AMN1: variants seen among roughly 807,000 people sequenced by gnomAD.
The protein encoded by AMN1 is protein AMN1 homolog.
A neutral mutation model predicts 33.0 loss-of-function variants in AMN1; 20 were observed. That is an observed-to-expected ratio of 0.61 (90% CI 0.43 to 0.88). The LOEUF is 0.88. Among genes scored for constraint, AMN1 ranks in the 40% least tolerant of loss-of-function variants. The probability of loss-of-function intolerance (pLI) is 0.00; values close to 1 mark genes in which losing one functional copy is unlikely to be tolerated. For synonymous variants in AMN1, 114 were observed against 111.9 expected (o/e 1.02, Z -0.12); for missense variants, 246 against 307.4 (o/e 0.80, Z 1.49).
At chr12:31,719,178 A>C (rs542734521) in intron 1 of AMN1, 38 of 193,422 alleles carry the variant, frequency 2.0e-4, no homozygotes, top group African/African-American at 7.8e-4. Flanking sequence ...CGTGGGCTGC[A>C]GTCACTGTTC....
In AMN1 at chr12:31,686,610, T is replaced by C. The variant is rs562190356; in HGVS notation, c.703+2397A>G. On this transcript the variant is annotated intron_variant, in intron 6 of 6. Transcript: ENST00000281471. Reference sequence around the variant, plus strand: ...ACAACATAGCTTAGCCTAGCCTACATGCTCAGAACACTTAAATTAGCCTAC... The same window carrying C: ...ACAACATAGCTTAGCCTAGCCTACACGCTCAGAACACTTAAATTAGCCTAC... Among the ~76,000 whole-genome samples the C allele has an allele frequency of 5.9e-5, 9 of 152,346 alleles. No individual in the cohort carries two copies. The South Asian group carries it at 1.7e-3, about 28-fold the overall frequency.
rs143297629 is a variant in AMN1 at position 31,698,207 on chromosome 12, GA to G, written c.317-251del. 8.4e-3 allele frequency among the ~76,000 whole-genome samples: 1,272 copies of G among 152,294 alleles called. 18 individuals are homozygous for G. The highest frequency in any genetic ancestry group is 0.029 in the African/African-American group (1,200 of 41,558). ...GGCAAGGCTTTATTGTCCACAGGTT[GA>G]ATTCCTTTTAGGAAATAGGCAAAAG... On this transcript the variant is annotated intron_variant, in intron 3 of 6. Transcript: ENST00000281471.
chr12:31,715,191 AAAC>A (rs1327241034), intron 1 of AMN1, among the ~76,000 whole-genome samples: 1 of 152,220 alleles, frequency 6.6e-6, no homozygotes, highest in East Asian at 1.9e-4. Context: ...TTAGCTCCTA[AAAC>A]AACATTGTAC....
At chr12:31,728,329 T>C (rs1322617038) in intron 1 of AMN1, among the ~76,000 whole-genome samples, 1 of 152,218 alleles carries the variant, frequency 6.6e-6, no homozygotes, top group African/African-American at 2.4e-5. Flanking sequence ...TAGTGGTGTT[T>C]ATTATTTGCT....
rs754736861 is a variant in AMN1 at position 31,697,769 on chromosome 12, A to C, written c.505T>G (p.Leu169Val). 6 of 1,613,912 alleles carry C rather than the reference A, an allele frequency of 3.7e-6. No individual in the cohort carries two copies. In the East Asian group the frequency reaches 8.9e-5, roughly 24 times the overall value. The change falls in exon 4 of 7, where the codon TTG becomes GTG. Residue 169 changes from leucine to valine, a missense_variant. Leu to Val is a conservative substitution (Grantham distance 32). Coordinates refer to ENST00000281471, the MANE Select transcript of AMN1 (RefSeq NM_001113402.2). Reference sequence around the variant, plus strand: ...GTAGCTGAAAAGTCGACACACTGCAAAAATGGGCAGTTTTTTCCTAATGCA... The same window carrying C: ...GTAGCTGAAAAGTCGACACACTGCACAAATGGGCAGTTTTTTCCTAATGCA... The part of the protein sequence containing the change: ...LHALGKNCPF[L>V]QCVDFSATQV...
At chr12:31,676,284 A>G (rs111531044) in intron 6 of AMN1, among the ~76,000 whole-genome samples, 38 of 151,732 alleles carry the variant, frequency 2.5e-4, no homozygotes, top group African/African-American at 8.7e-4. Context: ...TTCATATCAA[A>G]ATACAAGCTG....
chr12:31,675,168 A>G (rs960069700), intron 6 of AMN1, among the ~76,000 whole-genome samples: 1 of 151,866 alleles, frequency 6.6e-6, no homozygotes, highest in Non-Finnish European at 1.5e-5. Context: ...CTGTAATCCC[A>G]GCATTTTGGG....
At chr12:31,701,773 C>T in intron 3 of AMN1, 90 bp downstream of exon 3, 5 of 1,087,606 alleles carry the variant, frequency 4.6e-6, no homozygotes, top group Non-Finnish European at 5.1e-6. Flanking sequence ...CTTCTTCATA[C>T]TCTCTTTTGA....
chr12:31,722,668 T>G (rs925291390), intron 1 of AMN1, among the ~76,000 whole-genome samples: 1 of 152,202 alleles, frequency 6.6e-6, no homozygotes, highest in African/African-American at 2.4e-5. Context: ...TATGCAGCTT[T>G]CTTTCTCCAA....
At chr12:31,674,351 T>G (rs1168755696) in intron 6 of AMN1, among the ~76,000 whole-genome samples, 1 of 150,914 alleles carries the variant, frequency 6.6e-6, no homozygotes, top group African/African-American at 2.4e-5. Context: ...GAGATTGCAG[T>G]AAGCCAAGAC....
intron 2 of AMN1, among the ~76,000 whole-genome samples, chr12:31,702,612 ATAAGG>A (rs1939056943): frequency 1.3e-5 from 2 of 152,140 alleles, no homozygotes; most frequent in South Asian, 2.1e-4. Context: ...TGAAAATAAA[ATAAGG>A]TATTATTATT....
chr12:31,697,590 T>C (rs1283166919), intron 4 of AMN1, 150 bp downstream of exon 4: 6 of 1,016,434 alleles, frequency 5.9e-6, no homozygotes, highest in South Asian at 1.5e-5. Flanking sequence ...TATGCCAATA[T>C]ATATCTCAAT....
chr12:31,674,844 C>A (rs978009304), intron 6 of AMN1, among the ~76,000 whole-genome samples: 1 of 150,534 alleles, frequency 6.6e-6, no homozygotes, highest in Non-Finnish European at 1.5e-5. Flanking sequence ...GGGAAAACCC[C>A]GTCTCTACTA....
chr12:31,722,281 T>G lies in AMN1; in HGVS notation c.38+6690A>C, dbSNP rs140559479. Among the ~76,000 whole-genome samples the G allele has an allele frequency of 5.9e-3, 899 of 152,274 alleles. 4 individuals are homozygous for G. The highest frequency in any genetic ancestry group is 9.8e-3 in the Non-Finnish European group (664 of 68,016). On this transcript the variant is annotated intron_variant, in intron 1 of 6. Transcript: ENST00000281471. ...GCCAGTCACACTGATCAAAATGTGT[T>G]ATGTTTTTGGTTTTCCAGACCACTT...
chr12:31,672,125 A>C lies in AMN1; in HGVS notation c.*179T>G, dbSNP rs1951285649. ...TAATAGCACTTTAAAGATGTTTAAG[A>C]GTAAAGCACAAACCATGTATATACC... On this transcript the variant is annotated 3_prime_UTR_variant, in exon 7 of 7. Transcript: ENST00000281471. 1 of 529,322 alleles carries C rather than the reference A, an allele frequency of 1.9e-6. No individual in the cohort carries two copies. The highest frequency in any genetic ancestry group is 3.3e-5 in the Admixed American group (1 of 30,442). The allele number at this position is 529,322 out of a possible 1,614,324, so 32.8% of individuals were successfully genotyped here.
At chr12:31,692,829 A>G (rs1592156578) in intron 5 of AMN1, among the ~76,000 whole-genome samples, 1 of 152,202 alleles carries the variant, frequency 6.6e-6, no homozygotes, top group South Asian at 2.1e-4. Flanking sequence ...AATTTTATAC[A>G]GCAAATTAAA....
intron 6 of AMN1, among the ~76,000 whole-genome samples, chr12:31,673,915 T>C (rs918707450): frequency 5.9e-5 from 9 of 152,288 alleles, no homozygotes; most frequent in Non-Finnish European, 1.3e-4. Flanking sequence ...ACAAATTTGT[T>C]ATTGTACAGT....
chr12:31,713,521 G>A (rs575227974), intron 1 of AMN1, among the ~76,000 whole-genome samples: 2 of 152,176 alleles, frequency 1.3e-5, no homozygotes, highest in South Asian at 4.1e-4. Flanking sequence ...TATCATATTT[G>A]TGTCAGACAT....
At chr12:31,719,322 T>C in intron 1 of AMN1, 3 of 982,526 alleles carry the variant, frequency 3.1e-6, no homozygotes, top group Non-Finnish European at 3.6e-6. Context: ...CCTCCCAATT[T>C]CTTTTTAATG....
Sources: allele counts gnomAD v4.1 joint callset (sites outside exome capture counted in the v4.1 genomes callset), GRCh38; gene constraint gnomAD v4.1.1; transcripts MANE v1.5; gene names NCBI Gene and HGNC (gene_info 2026-07-23, HGNC 2026-07-21).